Variants in ANP32B observed in about 807,000 individuals in gnomAD.
ANP32B encodes acidic leucine-rich nuclear phosphoprotein 32 family member B.
A neutral mutation model predicts 32.2 loss-of-function variants in ANP32B; 6 were observed. The observed-to-expected ratio is 0.19, with a 90% confidence interval of 0.10 to 0.37. The LOEUF is 0.37. Among genes scored for constraint, ANP32B ranks in the 10% least tolerant of loss-of-function variants. ANP32B has a pLI of 1.00. For synonymous variants in ANP32B, 98 were observed against 105.8 expected, an observed-to-expected ratio of 0.93 and a Z score of 0.45; for missense variants, 204 against 289.2, an observed-to-expected ratio of 0.71 and a Z score of 2.14.
In ANP32B at chr9:98,003,548, G is replaced by A. The variant is rs982400465; in HGVS notation, c.328-1416G>A. On this transcript the variant is annotated intron_variant, in intron 3 of 6. Coordinates refer to ENST00000339399, the MANE Select transcript of ANP32B (RefSeq NM_006401.3). ...GGCCAGAATTGGCCACTGGACCACC[G>A]GTTCCCAACCCCTGCTCTAGAGCCT... Among the ~76,000 whole-genome samples, 4 of 152,138 alleles carry A rather than the reference G, an allele frequency of 2.6e-5. No homozygotes were observed. The East Asian group carries it at 5.8e-4, about 22-fold the overall frequency.
chr9:98,006,384 T>C (rs1828083011), intron 4 of ANP32B, among the ~76,000 whole-genome samples: 1 of 152,178 alleles, frequency 6.6e-6, no homozygotes, highest in Non-Finnish European at 1.5e-5. Context: ...TGCCCATTTT[T>C]TTATTTACCA....
Position 97,991,985 on chromosome 9 carries a change from G to GT in ANP32B, c.55-2639dup, listed in dbSNP as rs1331103211. 9.9e-5 allele frequency among the ~76,000 whole-genome samples: 15 copies of GT among 152,146 alleles called. No individual in the cohort carries two copies. The South Asian group carries it at 2.1e-3, about 21-fold the overall frequency. ...CAATATTGCTGACAAACCTGTGACC[G>GT]TTTTTTTCCTCATTCCGCAGTTATG... On this transcript the variant is annotated intron_variant, in intron 1 of 6. Transcript: ENST00000339399.
chr9:97,983,512 C>G lies in ANP32B; in HGVS notation c.-44C>G, dbSNP rs370788415. On this transcript the variant is annotated 5_prime_UTR_variant, in exon 1 of 7. Coordinates refer to ENST00000339399, the MANE Select transcript of ANP32B (RefSeq NM_006401.3). ...CCGGGACGCCTCTCCCCCCTCCGCC[C>G]CCGCCGCGGAAAGTTAAGTTTGAAG... The G allele has an allele frequency of 6.6e-7, 1 of 1,523,450 alleles. No individual in the cohort carries two copies. The highest frequency in any genetic ancestry group is 1.2e-5 in the South Asian group (1 of 82,318). The allele number at this position is 1,523,450 out of a possible 1,614,324, so 94.4% of individuals were successfully genotyped here.
chr9:98,004,949 G>T lies in ANP32B; in HGVS notation c.328-15G>T, dbSNP rs755579728. On this transcript the variant is annotated splice_polypyrimidine_tract_variant and intron_variant, in intron 3 of 6. Coordinates refer to ENST00000339399, the MANE Select transcript of ANP32B (RefSeq NM_006401.3). ...CTTTGGTTTAGGAGTTGTGGTTTTTGATCCTTTTCTTCAGAAAAAGTTAGA... is the reference window on the plus strand; with the variant it reads ...CTTTGGTTTAGGAGTTGTGGTTTTTTATCCTTTTCTTCAGAAAAAGTTAGA... The T allele has an allele frequency of 3.1e-6, 5 of 1,593,510 alleles. No homozygotes were observed. Among genetic ancestry groups the T allele is most frequent in the South Asian group, 1.1e-5 (1 of 89,136 alleles).
intron 1 of ANP32B, chr9:97,987,716 C>G (rs184893420): frequency 5.9e-5 from 9 of 152,310 alleles, no homozygotes; most frequent in Admixed American, 5.2e-4. Context: ...GTGCTATATG[C>G]TGGACTGTGA....
intron 4 of ANP32B, among the ~76,000 whole-genome samples, chr9:98,006,881 G>T (rs1357291475): frequency 2.0e-5 from 3 of 152,066 alleles, no homozygotes; most frequent in South Asian, 2.1e-4. Context: ...CCAGCTTCTC[G>T]GGAGGCTGAG....
intron 1 of ANP32B, 21 bp from the exon 2 acceptor site, chr9:97,994,609 CT>C: frequency 6.3e-7 from 1 of 1,584,936 alleles, no homozygotes; most frequent in Non-Finnish European, 8.5e-7. Context: ...AGAGCTTATC[CT>C]TTTTTCTTTG....
chr9:97,984,607 G>C (rs1284986677), intron 1 of ANP32B: 1 of 150,806 alleles, frequency 6.6e-6, no homozygotes, highest in South Asian at 2.1e-4. Context: ...GTCTCCCTGC[G>C]CCTGGTGAGC....
At chr9:97,985,331 G>A (rs1187039910) in intron 1 of ANP32B, among the ~76,000 whole-genome samples, 1 of 152,140 alleles carries the variant, frequency 6.6e-6, no homozygotes, top group Non-Finnish European at 1.5e-5. Flanking sequence ...ACGCGGGGCG[G>A]GCCGGGCTCC....
At position 97,983,608 on chromosome 9, in the gene ANP32B, C is replaced by G. The variant is rs1234200164; in HGVS notation, c.53C>G (p.Ala18Gly). 1.9e-6 allele frequency: 3 copies of G among 1,576,466 alleles called. No homozygotes were observed. Among genetic ancestry groups the G allele is most frequent in the African/African-American group, 2.7e-5 (2 of 72,766 alleles). Residue 18 changes from alanine to glycine, a missense_variant and splice_region_variant, in exon 1 of 7, where the codon GCT becomes GGT. Ala to Gly is a moderately conservative substitution (Grantham distance 60, BLOSUM62 0). Transcript: ENST00000339399. The stretch of plus-strand genomic sequence containing the variant: ...GAGCTGAGGAACCGGACCCCGGCAG[C>G]TGTAAGCAGAGACCCCTCTGGGTGC... ...HLELRNRTPAAVRELVLDNCK... is the reference protein window; with the variant it reads ...HLELRNRTPAGVRELVLDNCK...
rs1249014370 is a variant in ANP32B at position 98,015,883 on chromosome 9, A to C, written c.*452A>C. ...TTTTTACATTAGGACATTTTATGTG[A>C]CAACTGCCAAAAAAGTATTTTTAAG... is the stretch of plus-strand genomic sequence containing the variant. On this transcript the variant is annotated 3_prime_UTR_variant, in exon 7 of 7. Coordinates refer to ENST00000339399, the MANE Select transcript of ANP32B (RefSeq NM_006401.3). 5 of 970,788 alleles carry C rather than the reference A, an allele frequency of 5.2e-6. No individual in the cohort carries two copies. The highest frequency in any genetic ancestry group is 6.1e-6 in the Non-Finnish European group (5 of 816,502). 60.1% of individuals were successfully genotyped at this position (970,788 alleles called of 1,614,324 possible).
At position 98,011,392 on chromosome 9, in the gene ANP32B, C is replaced by T; in HGVS notation, c.636+3C>T. On this transcript the variant is annotated splice_donor_region_variant and intron_variant, in intron 5 of 6. Transcript: ENST00000339399. The stretch of plus-strand genomic sequence containing the variant: ...ACGACGATGAAGTCAGTGAGGAGGT[C>T]AGTGCAGCTGTTTTCTACCCTGCTT... 1 of 1,589,618 alleles carries T rather than the reference C, an allele frequency of 6.3e-7. No individual in the cohort carries two copies.
chr9:98,012,875 C>T (rs186591632), intron 6 of ANP32B, among the ~76,000 whole-genome samples: 6 of 152,282 alleles, frequency 3.9e-5, no homozygotes, highest in South Asian at 4.1e-4. Flanking sequence ...GGGCTACAGG[C>T]GCCTGCCACC....
intron 3 of ANP32B, among the ~76,000 whole-genome samples, chr9:98,004,577 C>T (rs182018591): frequency 7.2e-5 from 11 of 152,122 alleles, no homozygotes; most frequent in Admixed American, 3.9e-4. Flanking sequence ...CATTAAAGAC[C>T]GCTTGATACC....
At chr9:97,994,806 A>G in intron 2 of ANP32B, 26 bp downstream of exon 2, 1 of 1,569,302 alleles carries the variant, frequency 6.4e-7, no homozygotes, top group Non-Finnish European at 8.6e-7. Context: ...TTAACAGTAA[A>G]AGAGAACGAT....
At chr9:97,995,594 T>G (rs1408341675) in intron 2 of ANP32B, among the ~76,000 whole-genome samples, 4 of 152,068 alleles carry the variant, frequency 2.6e-5, no homozygotes, top group Non-Finnish European at 5.9e-5. Flanking sequence ...TGTTTGTTTG[T>G]TTGTGGTTTT....
chr9:97,984,587 G>C (rs1360321165), intron 1 of ANP32B: 1 of 150,824 alleles, frequency 6.6e-6, no homozygotes, highest in African/African-American at 2.4e-5. Flanking sequence ...CGCCATGTTG[G>C]CGGGTGCCCG....
chr9:98,005,353 GA>G (rs554062093), intron 4 of ANP32B, 200 bp downstream of exon 4: 11,920 of 292,002 alleles, frequency 0.041, 7 homozygotes, highest in South Asian at 0.073. Context: ...ACAGAAAATA[GA>G]AAAAAAAAAA....
chr9:97,988,798 G>A (rs1827778967), intron 1 of ANP32B, among the ~76,000 whole-genome samples: 1 of 152,128 alleles, frequency 6.6e-6, no homozygotes. Context: ...TAGAAGATTT[G>A]AATACTGGTT....
Sources: allele counts gnomAD v4.1 joint callset (sites outside exome capture counted in the v4.1 genomes callset), GRCh38; gene constraint gnomAD v4.1.1; transcripts MANE v1.5; gene names NCBI Gene and HGNC (gene_info 2026-07-23, HGNC 2026-07-21).